Variants in RUBCN observed in about 807,000 individuals in gnomAD.
RUBCN encodes the protein run domain Beclin-1-interacting and cysteine-rich domain-containing protein.
RUBCN carries 74 observed loss-of-function variants against 113.2 expected under a neutral mutation model. That is an observed-to-expected ratio of 0.65 (90% CI 0.54 to 0.79). The LOEUF is 0.79. Ranked by LOEUF, RUBCN falls within the 30% of genes least tolerant of loss-of-function variation. The pLI, the probability that RUBCN is intolerant of heterozygous loss-of-function variation, is 0.00. For synonymous variants in RUBCN, 480 were observed against 490.0 expected, an observed-to-expected ratio of 0.98 and a Z score of 0.27; for missense variants, 1,109 against 1,251.7, an observed-to-expected ratio of 0.89 and a Z score of 1.72.
intron 2 of RUBCN, among the ~76,000 whole-genome samples, chr3:197,714,944 T>A (rs193168906): frequency 2.6e-5 from 4 of 152,294 alleles, no homozygotes; most frequent in Admixed American, 1.3e-4. Flanking sequence ...ATTATTGGAT[T>A]CTACTCATTT....
At chr3:197,719,012 C>A (rs1232025624) in intron 1 of RUBCN, among the ~76,000 whole-genome samples, 1 of 152,168 alleles carries the variant, frequency 6.6e-6, no homozygotes, top group Non-Finnish European at 1.5e-5. Flanking sequence ...ATATCCTATG[C>A]CTCTTCCTCA....
In RUBCN at chr3:197,669,606, T is replaced by C. The variant is rs1317592618; in HGVS notation, c.*5412A>G. Among the ~76,000 whole-genome samples, 1 of 152,212 alleles carries C rather than the reference T, an allele frequency of 6.6e-6. No individual in the cohort carries two copies. Among genetic ancestry groups the C allele is most frequent in the Non-Finnish European group, 1.5e-5 (1 of 68,032 alleles). On this transcript the variant is annotated 3_prime_UTR_variant, in exon 20 of 20. Transcript: ENST00000296343. ...AACGTTGATTACTTGGTTAAGGTCGTGTTAGCTCTCTCTACTCTAAAGTTG... is the reference window on the plus strand; with the variant it reads ...AACGTTGATTACTTGGTTAAGGTCGCGTTAGCTCTCTCTACTCTAAAGTTG...
chr3:197,741,141 T>A (rs890206283), upstream of RUBCN, among the ~76,000 whole-genome samples: 2 of 152,232 alleles, frequency 1.3e-5, no homozygotes, highest in African/African-American at 2.4e-5. Context: ...CCTAAAAAAA[T>A]AGTCAATGAT....
chr3:197,733,976 C>T (rs1727817110), intron 1 of RUBCN, among the ~76,000 whole-genome samples: 2 of 152,136 alleles, frequency 1.3e-5, no homozygotes, highest in South Asian at 4.1e-4. Context: ...CAGACTCGGG[C>T]CGGGCACGGT....
At chr3:197,698,441 C>A (rs545635784) in intron 7 of RUBCN, among the ~76,000 whole-genome samples, 71 of 152,182 alleles carry the variant, frequency 4.7e-4, no homozygotes, top group African/African-American at 1.6e-3. Flanking sequence ...TGAACACCAC[C>A]ATGAACACCA....
chr3:197,705,166 G>A lies in RUBCN; in HGVS notation c.229C>T (p.Arg77Cys), dbSNP rs557525277. The A allele has an allele frequency of 2.5e-6, 4 of 1,613,948 alleles. No homozygotes were observed. The highest frequency in any genetic ancestry group is 1.3e-5 in the African/African-American group (1 of 75,046). ...ACGAACTGCCAGTAATCCGTCTGGC[G>A]GCGGCACGCCTGCAAAGGGAACACA... ...HGLIRDQACR[R>C]QTDYWQFVKD... is the part of the protein sequence containing the mutation. The change falls in exon 3 of 20, where the codon CGC (arginine) becomes TGC (cysteine). Residue 77 changes from arginine (R) to cysteine (C), a missense_variant. Around this residue, in one of 3 missense-constraint regions of RUBCN, gnomAD observed 736 missense variants for 779.6 expected, o/e 0.94. Coordinates refer to ENST00000296343, the MANE Select transcript of RUBCN (RefSeq NM_014687.4).
chr3:197,681,055 G>A lies in RUBCN; in HGVS notation c.2430+74C>T, dbSNP rs547838200. 13 of 791,082 alleles carry A rather than the reference G, an allele frequency of 1.6e-5. No homozygotes were observed. Among genetic ancestry groups the A allele is most frequent in the South Asian group, 1.3e-4 (9 of 68,100 alleles). The allele number at this position is 791,082 out of a possible 1,614,324, so 49.0% of individuals were successfully genotyped here. A position where few individuals can be genotyped will look rare whatever the true frequency, so the allele number is the denominator to read the frequency against. ...AGAGGAGGGGATGGGGGGAGGGGACGGGGGAGGGACGAGGGGAGGGGATGA... is the reference window on the plus strand; with the variant it reads ...AGAGGAGGGGATGGGGGGAGGGGACAGGGGAGGGACGAGGGGAGGGGATGA... On this transcript the variant is annotated intron_variant, in intron 16 of 19. Transcript: ENST00000296343. The surrounding 1 kb of genome is among the most constrained non-coding windows in gnomAD (Gnocchi z 5.5).
chr3:197,724,355 A>T (rs1469688912), intron 1 of RUBCN, among the ~76,000 whole-genome samples: 3 of 149,332 alleles, frequency 2.0e-5, no homozygotes, highest in African/African-American at 7.6e-5. Flanking sequence ...ACTAAAACAT[A>T]ATCACTAAAA....
upstream of RUBCN, among the ~76,000 whole-genome samples, chr3:197,739,225 TA>T (rs1180199237): frequency 1.4e-5 from 2 of 147,686 alleles, no homozygotes; most frequent in African/African-American, 2.5e-5. Flanking sequence ...ACAGGCGTAC[TA>T]AAAAATACAA....
rs1720255609 is a variant in RUBCN at position 197,675,351 on chromosome 3, A to AG, written c.2740+70dup. 6.6e-7 allele frequency: 1 copy of AG among 1,520,692 alleles called. No individual in the cohort carries two copies. Among genetic ancestry groups the AG allele is most frequent in the Non-Finnish European group, 9.1e-7 (1 of 1,097,394 alleles). The allele number at this position is 1,520,692 out of a possible 1,614,324, so 94.2% of individuals were successfully genotyped here. ...TGAGTGGCACCGAACTCTTGCTAAC[A>AG]GGGGTGGCTCTGGGGAATCAAGGAG... is the stretch of plus-strand genomic sequence containing the variant. On this transcript the variant is annotated intron_variant, in intron 19 of 19. Coordinates refer to ENST00000296343, the MANE Select transcript of RUBCN (RefSeq NM_014687.4). The surrounding 1 kb of genome is among the most constrained non-coding windows in gnomAD (Gnocchi z 4.4).
At chr3:197,677,125 A>T in intron 17 of RUBCN, 87 bp from the exon 18 acceptor site, 1 of 1,420,690 alleles carries the variant, frequency 7.0e-7, no homozygotes, top group Non-Finnish European at 9.9e-7. Context: ...GAAACTGCAG[A>T]AAGTAATGAG....
intron 14 of RUBCN, 50 bp downstream of exon 14, chr3:197,682,420 C>T: frequency 3.1e-6 from 5 of 1,610,800 alleles, no homozygotes; most frequent in Non-Finnish European, 4.2e-6. Flanking sequence ...CCCTGACAAT[C>T]CAAAGAGGAC....
chr3:197,736,736 G>C lies in RUBCN; in HGVS notation c.-17C>G. 6.5e-7 allele frequency: 1 copy of C among 1,529,306 alleles called. No homozygotes were observed. Among genetic ancestry groups the C allele is most frequent in the Non-Finnish European group, 8.7e-7 (1 of 1,144,742 alleles). 94.7% of individuals were successfully genotyped at this position (1,529,306 alleles called of 1,614,324 possible). A position where few individuals can be genotyped will look rare whatever the true frequency, so the allele number is the denominator to read the frequency against. On this transcript the variant is annotated 5_prime_UTR_variant, in exon 1 of 20. Coordinates refer to ENST00000296343, the MANE Select transcript of RUBCN (RefSeq NM_014687.4). ...CGGCCGCATCCGGGGCGGTGAGGCC[G>C]CCTCTTCGCCCAAGAGAGGCGTCCC... is the stretch of plus-strand genomic sequence containing the variant.
chr3:197,694,710 G>C (rs1306419687), intron 9 of RUBCN, 125 bp from the exon 10 acceptor site: 2 of 826,352 alleles, frequency 2.4e-6, no homozygotes, highest in Non-Finnish European at 4.1e-6. Context: ...TGGAGAAATG[G>C]ACATTTCTAC....
At chr3:197,690,042 G>C (rs555062494) in intron 11 of RUBCN, among the ~76,000 whole-genome samples, 8 of 152,166 alleles carry the variant, frequency 5.3e-5, no homozygotes, top group Non-Finnish European at 2.9e-5. Context: ...ATATGAGTGA[G>C]AACACGGGAG....
chr3:197,737,736 A>G (rs569792366), upstream of RUBCN, among the ~76,000 whole-genome samples: 4 of 152,320 alleles, frequency 2.6e-5, no homozygotes, highest in Admixed American at 2.6e-4. Context: ...CAATGTGGAC[A>G]GGAGATGGGG....
At chr3:197,705,362 CAGG>C (rs1724177929) in intron 2 of RUBCN, among the ~76,000 whole-genome samples, 187 bp from the exon 3 acceptor site, 1 of 151,998 alleles carries the variant, frequency 6.6e-6, no homozygotes, top group Non-Finnish European at 1.5e-5. Flanking sequence ...CCCAGCACTT[CAGG>C]AGGACTGCTT....
rs535930887 is a variant in RUBCN at position 197,679,430 on chromosome 3, C to T, written c.2430+1699G>A. 1.1e-4 allele frequency among the ~76,000 whole-genome samples: 17 copies of T among 148,236 alleles called. No homozygotes were observed. The South Asian group carries it at 3.7e-3, about 32-fold the overall frequency. Reference sequence around the variant, plus strand: ...GACTGTCCTACGCTCTAACTGACAACTGGCTTCAGACTGTCCTACGCTCTG... The same window carrying T: ...GACTGTCCTACGCTCTAACTGACAATTGGCTTCAGACTGTCCTACGCTCTG... On this transcript the variant is annotated intron_variant, in intron 16 of 19. Transcript: ENST00000296343.
rs1413866647 is a variant in RUBCN at position 197,718,015 on chromosome 3, T to C, written c.181A>G (p.Met61Val). The change falls in exon 2 of 20, where the codon ATG (methionine) becomes GTG (valine). Residue 61 changes from methionine (M) to valine (V), a missense_variant. Coordinates refer to ENST00000296343, the MANE Select transcript of RUBCN (RefSeq NM_014687.4). ...AGCCCGTGATAGAGGATGCTCTGCA[T>C]GTCCCTGCAAAGCCGCTCCAAGCCA... Reference protein sequence around the residue: ...YGGLERLCRDMQSILYHGLIR... With the variant: ...YGGLERLCRDVQSILYHGLIR... 1.9e-6 allele frequency: 3 copies of C among 1,614,168 alleles called. No individual in the cohort carries two copies. The highest frequency in any genetic ancestry group is 2.5e-6 in the Non-Finnish European group (3 of 1,180,044).
Sources: gnomAD v4.1 joint callset for allele counts (sites outside exome capture counted in the v4.1 genomes callset) on GRCh38, gnomAD v4.1.1 for gene constraint, gnomAD v4.1.1 regional missense constraint, Gnocchi (gnomAD v3.1) non-coding constraint, MANE v1.5 for transcripts, NCBI Gene and HGNC (gene_info 2026-07-23, HGNC 2026-07-21) for gene names.